Variants in LENG1 observed in about 807,000 individuals in gnomAD.
The protein encoded by LENG1 is leukocyte receptor cluster member 1.
LENG1 carries 35 observed loss-of-function variants against 28.8 expected under a neutral mutation model. That is an observed-to-expected ratio of 1.22 (90% confidence interval 0.93 to 1.61). The LOEUF (loss-of-function observed/expected upper bound fraction) is 1.61, where lower values mean the gene tolerates loss of function less well. Among genes scored for constraint, LENG1 ranks in the 40% most tolerant of loss-of-function variants. The pLI is 0.00. For synonymous variants in LENG1, 170 were observed against 140.6 expected (o/e 1.21, Z -1.48); for missense variants, 404 against 348.9 (o/e 1.16, Z -1.26).
In LENG1 at chr19:54,155,749, CGGGGGCGCCGGGCCAGCTG is replaced by C. The variant is rs1568700898; in HGVS notation, c.748_766del (p.Gln250AlafsTer12). The stretch of plus-strand genomic sequence containing the variant: ...GTGAGTAAGGTGAGGGTCCTGCTGG[CGGGGGCGCCGGGCCAGCTG>C]GGGGTTGAATTGGGAGTTGTACCGC... On this transcript the variant is annotated frameshift_variant, in exon 4 of 4. Transcript: ENST00000222224. LOFTEE classifies it high-confidence loss of function. The C allele has an allele frequency of 1.2e-6, 2 of 1,609,844 alleles. No homozygotes were observed. Among genetic ancestry groups the C allele is most frequent in the Non-Finnish European group, 8.5e-7 (1 of 1,179,176 alleles).
Position 54,156,793 on chromosome 19 carries a change from T to C in LENG1, c.545A>G (p.Lys182Arg), listed in dbSNP as rs1382217153. ...GGGTCGCTGCTTCTCAGACCCCTCC[T>C]TTTCCTTTCTGCTGCGACTGCCTTC... ...GDEGSRSRKE[K>R]EGSEKQRPKE... Residue 182 changes from lysine to arginine, a missense_variant, in exon 3 of 4, where the codon AAG becomes AGG. By Grantham distance (26) the Lys-to-Arg change is conservative (BLOSUM62 2). Transcript: ENST00000222224. The C allele has an allele frequency of 6.2e-7, 1 of 1,613,680 alleles. No individual in the cohort carries two copies. Among genetic ancestry groups the C allele is most frequent in the African/African-American group, 1.3e-5 (1 of 74,934 alleles).
At chr19:54,158,249 G>A (rs372848118) in intron 2 of LENG1, 33 bp downstream of exon 2, 788 of 1,595,672 alleles carry the variant, frequency 4.9e-4, no homozygotes, top group Non-Finnish European at 6.3e-4. Context: ...TCGATTCATG[G>A]CCCCTCTGAT....
Position 54,156,819 on chromosome 19 carries a change from A to G in LENG1, c.519T>C (p.Asp173=), listed in dbSNP as rs1327189703. ...TTTCCTTTCTGCTGCGACTGCCTTCATCACCGCCGTGCTGTCTCTTCTTCC... is the reference window on the plus strand; with the variant it reads ...TTTCCTTTCTGCTGCGACTGCCTTCGTCACCGCCGTGCTGTCTCTTCTTCC... ...HLGKKRQHGG[D]EGSRSRKEKE... The change falls in exon 3 of 4, where the codon GAT becomes GAC. Residue 173 remains aspartate, a synonymous_variant. Transcript: ENST00000222224. 1.9e-6 allele frequency: 3 copies of G among 1,613,920 alleles called. No individual in the cohort carries two copies. In the South Asian group the frequency reaches 3.3e-5, roughly 18 times the overall value.
intron 2 of LENG1, among the ~76,000 whole-genome samples, chr19:54,157,322 T>C (rs954884791): frequency 1.3e-5 from 2 of 152,122 alleles, no homozygotes; most frequent in African/African-American, 4.8e-5. Flanking sequence ...AGAGGAGCGA[T>C]GGGTGGGGTC....
chr19:54,157,020 C>T lies in LENG1; in HGVS notation c.318G>A (p.Arg106=), dbSNP rs771070598. ...TCAGGATGCCCAGAGCTTTCTCTTGCCTCTCCTGAGGGGGCCAGGAAATAC... is the reference window on the plus strand; with the variant it reads ...TCAGGATGCCCAGAGCTTTCTCTTGTCTCTCCTGAGGGGGCCAGGAAATAC... The part of the protein sequence containing the change: ...YKEEKRQEKE[R]QEKALGILTY... The change falls in exon 3 of 4, where the codon AGG becomes AGA. Residue 106 remains arginine (R), a synonymous_variant. Transcript: ENST00000222224. The T allele has an allele frequency of 3.9e-6, 6 of 1,538,844 alleles. No individual in the cohort carries two copies. In the Admixed American group the frequency reaches 1.0e-4, roughly 27 times the overall value.
At chr19:54,158,562 G>A (rs1422497145) in intron 1 of LENG1, 101 bp from the exon 2 acceptor site, 2 of 1,179,454 alleles carry the variant, frequency 1.7e-6, no homozygotes, top group African/African-American at 3.1e-5. Flanking sequence ...GGGTGCTGGG[G>A]TTATGAGAAA....
chr19:54,155,335 G>C lies in LENG1; in HGVS notation c.*386C>G. 6.2e-7 allele frequency: 1 copy of C among 1,613,394 alleles called. No homozygotes were observed. Among genetic ancestry groups the C allele is most frequent in the Non-Finnish European group, 8.5e-7 (1 of 1,179,514 alleles). On this transcript the variant is annotated 3_prime_UTR_variant, in exon 4 of 4. Coordinates refer to ENST00000222224, the MANE Select transcript of LENG1 (RefSeq NM_024316.3). ...GCACCTACATCTACTTTGACTACGA[G>C]AAGTGGGGCCAGCGGAAGAAGGAAG...
chr19:54,159,033 G>A (rs1194738530), intron 1 of LENG1, among the ~76,000 whole-genome samples: 4 of 152,254 alleles, frequency 2.6e-5, no homozygotes, highest in Non-Finnish European at 5.9e-5. Flanking sequence ...GGCGGTGCAC[G>A]AAAGGGCTCG....
In LENG1 at chr19:54,158,425, G is replaced by A; in HGVS notation, c.169C>T (p.Gln57Ter). ...TEFLRKKARH[Q>*]NSLPELEAAE... ...GCTTCAAGCTCAGGCAGTGAGTTCT[G>A]ATGTCTGGCTTTCTTCCGTAGGAAT... is the stretch of plus-strand genomic sequence containing the variant. Residue 57 changes from glutamine to a stop codon, truncating the protein, a stop_gained, in exon 2 of 4, where the codon CAG becomes TAG. Transcript: ENST00000222224. LOFTEE classifies it high-confidence loss of function. 1 of 1,614,206 alleles carries A rather than the reference G, an allele frequency of 6.2e-7. No homozygotes were observed. Among genetic ancestry groups the A allele is most frequent in the East Asian group, 2.2e-5 (1 of 44,882 alleles).
At chr19:54,158,145 G>A (rs1195378117) in intron 2 of LENG1, 137 bp downstream of exon 2, 2 of 826,628 alleles carry the variant, frequency 2.4e-6, no homozygotes, top group Non-Finnish European at 3.9e-6. Flanking sequence ...AACGCTTTTT[G>A]AGTGTCATGC....
intron 3 of LENG1, 41 bp downstream of exon 3, chr19:54,156,722 G>A (rs373414822): frequency 6.4e-7 from 1 of 1,563,294 alleles, no homozygotes. Flanking sequence ...GCCAAGCCCT[G>A]AAGGTCTGGG....
rs372863614 is a variant in LENG1 at position 54,159,682 on chromosome 19, G to A, written c.14C>T (p.Pro5Leu). The A allele has an allele frequency of 2.5e-6, 4 of 1,612,360 alleles. No homozygotes were observed. In the African/African-American group the frequency reaches 5.3e-5, roughly 22 times the overall value. Residue 5 changes from proline to leucine, a missense_variant, in exon 1 of 4, where the codon CCC becomes CTC. By Grantham distance (98) the Pro-to-Leu change is moderately conservative (BLOSUM62 -3). Coordinates refer to ENST00000222224, the MANE Select transcript of LENG1 (RefSeq NM_024316.3). ...GTTCCGGACGTGCCAGCTCTTCTTGGGCAAGATATTCATGGCGTCGTAGCT... is the reference window on the plus strand; with the variant it reads ...GTTCCGGACGTGCCAGCTCTTCTTGAGCAAGATATTCATGGCGTCGTAGCT... MNIL[P>L]KKSWHVRNKD...
At position 54,155,708 on chromosome 19, in the gene LENG1, AC is replaced by A. The variant is rs1325130340; in HGVS notation, c.*12del. ...GGCTGGCAGCAGCGGCCTCTCCTGT[AC>A]CCCCTCAGGAGTCAGTGAGTAAGGT... On this transcript the variant is annotated 3_prime_UTR_variant, in exon 4 of 4. Transcript: ENST00000222224. 2.5e-6 allele frequency: 4 copies of A among 1,597,870 alleles called. No individual in the cohort carries two copies. Among genetic ancestry groups the A allele is most frequent in the Non-Finnish European group, 2.6e-6 (3 of 1,169,844 alleles).
At chr19:54,156,168 G>A (rs1474296626) in intron 3 of LENG1, among the ~76,000 whole-genome samples, 1 of 152,160 alleles carries the variant, frequency 6.6e-6, no homozygotes, top group Non-Finnish European at 1.5e-5. Context: ...AAAATCTGAT[G>A]CTTCTCCAGG....
chr19:54,159,301 G>A (rs1359112192), intron 1 of LENG1, among the ~76,000 whole-genome samples: 1 of 152,260 alleles, frequency 6.6e-6, no homozygotes, highest in Non-Finnish European at 1.5e-5. Flanking sequence ...TAAATGTTAA[G>A]CTTCTCTTTT....
rs1177652084 is a variant in LENG1 at position 54,155,451 on chromosome 19, TC to T, written c.*269del. The T allele has an allele frequency of 1.6e-6, 2 of 1,263,938 alleles. No homozygotes were observed. The highest frequency in any genetic ancestry group is 1.5e-5 in the African/African-American group (1 of 67,690). The allele number at this position is 1,263,938 out of a possible 1,614,324, so 78.3% of individuals were successfully genotyped here. Reference sequence around the variant, plus strand: ...CCCACCCCCTTCCCCCGCATGCTGATCCCCCTGCCCAGGTGAGGGCCCTGCC... The same window carrying T: ...CCCACCCCCTTCCCCCGCATGCTGATCCCCTGCCCAGGTGAGGGCCCTGCC... On this transcript the variant is annotated 3_prime_UTR_variant, in exon 4 of 4. Coordinates refer to ENST00000222224, the MANE Select transcript of LENG1 (RefSeq NM_024316.3).
At position 54,155,679 on chromosome 19, in the gene LENG1, T is replaced by G; in HGVS notation, c.*42A>C. 1 of 1,498,020 alleles carries G rather than the reference T, an allele frequency of 6.7e-7. No individual in the cohort carries two copies. The highest frequency in any genetic ancestry group is 9.1e-7 in the Non-Finnish European group (1 of 1,100,956). 92.8% of individuals were successfully genotyped at this position (1,498,020 alleles called of 1,614,324 possible). A position where few individuals can be genotyped will look rare whatever the true frequency, so the allele number is the denominator to read the frequency against. On this transcript the variant is annotated 3_prime_UTR_variant, in exon 4 of 4. Coordinates refer to ENST00000222224, the MANE Select transcript of LENG1 (RefSeq NM_024316.3). ...ATATTTATGAATAAATAGTTTTATA[T>G]GACGGCTGGCAGCAGCGGCCTCTCC...
chr19:54,159,004 T>G (rs981512252), intron 1 of LENG1, among the ~76,000 whole-genome samples: 1 of 152,208 alleles, frequency 6.6e-6, no homozygotes, highest in Non-Finnish European at 1.5e-5. Flanking sequence ...AGCCCGTGTT[T>G]GTGTGTATGT....
chr19:54,159,559 C>T lies in LENG1; in HGVS notation c.132+5G>A, dbSNP rs2075463898. On this transcript the variant is annotated splice_donor_5th_base_variant and intron_variant, in intron 1 of 3. Transcript: ENST00000222224. ...GAGCGCCGCCCTGCCGGCTTCCGAG[C>T]TTACCTCTTGCTGAGCCAGCAGCAC... 1.9e-6 allele frequency: 3 copies of T among 1,560,372 alleles called. No homozygotes were observed. Among genetic ancestry groups the T allele is most frequent in the East Asian group, 2.4e-5 (1 of 42,296 alleles).
Sources: gnomAD v4.1 joint callset for allele counts (sites outside exome capture counted in the v4.1 genomes callset) on GRCh38, gnomAD v4.1.1 for gene constraint, MANE v1.5 for transcripts, NCBI Gene and HGNC (gene_info 2026-07-23, HGNC 2026-07-21) for gene names.